Variants in BTBD1 observed in about 807,000 individuals in gnomAD.
BTBD1 encodes the protein BTB/POZ domain-containing protein 1.
BTBD1 carries 34 observed loss-of-function variants against 48.0 expected under a neutral mutation model. That is an observed-to-expected ratio of 0.71 (90% CI 0.54 to 0.94). BTBD1 has a LOEUF of 0.94. Among genes scored for constraint, BTBD1 ranks in the 40% least tolerant of loss-of-function variants. The probability of loss-of-function intolerance (pLI) is 0.00; values close to 1 mark genes in which losing one functional copy is unlikely to be tolerated. For synonymous variants in BTBD1, 261 were observed against 242.1 expected, an observed-to-expected ratio of 1.08 and a Z score of -0.72; for missense variants, 543 against 625.6, an observed-to-expected ratio of 0.87 and a Z score of 1.41.
At chr15:83,025,600 CAAT>C (rs1422759271) in intron 5 of BTBD1, among the ~76,000 whole-genome samples, 1 of 151,698 alleles carries the variant, frequency 6.6e-6, no homozygotes, top group Non-Finnish European at 1.5e-5. Flanking sequence ...GGATTATTCA[CAAT>C]ACTACAGTAA....
At chr15:83,057,976 T>C (rs2033116185) in intron 1 of BTBD1, among the ~76,000 whole-genome samples, 2 of 152,266 alleles carry the variant, frequency 1.3e-5, no homozygotes, top group Admixed American at 1.3e-4. Context: ...GGAAGAGAGC[T>C]TAACCCTGGG....
rs1425912303 is a variant in BTBD1, at chr15:83,067,245, G to C, written c.-94C>G. The C allele has an allele frequency of 1.6e-6, 2 of 1,244,586 alleles. No individual in the cohort carries two copies. Among genetic ancestry groups the C allele is most frequent in the East Asian group, 3.1e-5 (1 of 31,924 alleles). 77.1% of individuals were successfully genotyped at this position (1,244,586 alleles called of 1,614,324 possible). A position where few individuals can be genotyped will look rare whatever the true frequency, so the allele number is the denominator to read the frequency against. ...GCCGGCGCTGCCTCCCTGCCTTCCG[G>C]GAAAGGCGCTTCCGGGGGCCTCGCG... On this transcript the variant is annotated 5_prime_UTR_variant, in exon 1 of 8. Transcript: ENST00000261721.
At chr15:83,040,971 G>A (rs1017920458) in intron 4 of BTBD1, among the ~76,000 whole-genome samples, 1 of 151,558 alleles carries the variant, frequency 6.6e-6, no homozygotes, top group Non-Finnish European at 1.5e-5. Flanking sequence ...ACAGGATGGT[G>A]AAATCCTGTC....
chr15:83,060,646 T>C (rs897675863), intron 1 of BTBD1, among the ~76,000 whole-genome samples: 1 of 151,722 alleles, frequency 6.6e-6, no homozygotes, highest in Non-Finnish European at 1.5e-5. Flanking sequence ...ATACAAAAAT[T>C]AGCCAGGCGT....
rs769353885 is a variant in BTBD1 at position 83,067,017 on chromosome 15, G to A, written c.135C>T (p.Leu45=). Residue 45 remains leucine, a synonymous_variant, in exon 1 of 8, where the codon CTC becomes CTT. Transcript: ENST00000261721. ...ACGCCTTGGTCGCCTGCCAGTTGTA[G>A]AGAGGTTCCCGCTGCAGGGGGAGCA... The part of the protein sequence containing the change: ...GPLLPLQREP[L]YNWQATKASL... 1.0e-5 allele frequency: 16 copies of A among 1,584,416 alleles called. No individual in the cohort carries two copies. Among genetic ancestry groups the A allele is most frequent in the African/African-American group, 1.4e-5 (1 of 71,230 alleles).
intron 1 of BTBD1, among the ~76,000 whole-genome samples, chr15:83,057,817 A>G (rs2033113353): frequency 6.6e-6 from 1 of 152,206 alleles, no homozygotes; most frequent in African/African-American, 2.4e-5. Context: ...CAACTTCACT[A>G]TTCTAAGCAG....
chr15:83,046,187 G>A (rs1002075353), intron 3 of BTBD1, among the ~76,000 whole-genome samples: 1 of 152,062 alleles, frequency 6.6e-6, no homozygotes, highest in East Asian at 1.9e-4. Flanking sequence ...CTTGAGCACA[G>A]GAGTTCGAGA....
At position 83,057,615 on chromosome 15, in the gene BTBD1, G is replaced by A. The variant is rs146569792; in HGVS notation, c.402-1070C>T. Among the ~76,000 whole-genome samples the A allele has an allele frequency of 4.6e-5, 7 of 152,152 alleles. No individual in the cohort carries two copies. In the East Asian group the frequency reaches 9.7e-4, roughly 21 times the overall value. ...AAGAATGCTTGCTTCTTTCTTGATC[G>A]TTCCTTTTTTCTCCACAGCACCATG... is the stretch of plus-strand genomic sequence containing the variant. On this transcript the variant is annotated intron_variant, in intron 1 of 7. Coordinates refer to ENST00000261721, the MANE Select transcript of BTBD1 (RefSeq NM_025238.4).
intron 4 of BTBD1, among the ~76,000 whole-genome samples, chr15:83,039,895 C>A (rs1481287048): frequency 6.6e-6 from 1 of 151,744 alleles, no homozygotes; most frequent in East Asian, 1.9e-4. Flanking sequence ...AAATGTTCCA[C>A]CAAAAGACAC....
intron 6 of BTBD1, among the ~76,000 whole-genome samples, chr15:83,019,551 G>A (rs2032244177): frequency 6.7e-6 from 1 of 149,096 alleles, no homozygotes; most frequent in South Asian, 2.1e-4. Context: ...CTATAATCCT[G>A]ATGCCCTCCC....
At chr15:83,030,586 GAATCCTCCTTTCTCACCTTATACAAA>G (rs1256304434) in intron 4 of BTBD1, 7 of 356,504 alleles carry the variant, frequency 2.0e-5, no homozygotes, top group Non-Finnish European at 3.6e-5. Context: ...TGGATGCCAG[GAATCCTCCTTTCTCACCTTATACAAA>G]AATCAACTCA....
chr15:83,065,080 T>C (rs8031723), intron 1 of BTBD1, among the ~76,000 whole-genome samples: 29,268 of 152,130 alleles, frequency 0.19, 3,011 homozygotes, highest in Non-Finnish European at 0.22. Flanking sequence ...ATTTAGTGAC[T>C]GCATTATATC....
intron 5 of BTBD1, among the ~76,000 whole-genome samples, chr15:83,026,960 G>A (rs910154095): frequency 1.0e-4 from 15 of 149,892 alleles, no homozygotes; most frequent in African/African-American, 3.8e-4. Context: ...ACTGCTCCTA[G>A]GGGAAATACG....
rs906869292 is a variant in BTBD1, at chr15:83,041,913, G to A, written c.677C>T (p.Ala226Val). Residue 226 changes from alanine (A) to valine (V), a missense_variant, in exon 4 of 8, where the codon GCA becomes GTA. By Grantham distance (64) the Ala-to-Val change is moderately conservative. Around this residue, in one of 3 missense-constraint regions of BTBD1, gnomAD observed 300 missense variants for 350.0 expected, o/e 0.86. Transcript: ENST00000261721. ...FTDIDIDTLC[A>V]VLERDTLSIR... ...ACTGAGTGTGTCTCTCTCTAAAACT[G>A]CACAGAGTGTATCTATAGGCAAAAT... The A allele has an allele frequency of 2.5e-6, 4 of 1,613,938 alleles. No individual in the cohort carries two copies. The Admixed American group carries it at 5.0e-5, about 20-fold the overall frequency.
intron 2 of BTBD1, among the ~76,000 whole-genome samples, chr15:83,050,570 G>C (rs2032963363): frequency 6.6e-6 from 1 of 152,068 alleles, no homozygotes; most frequent in Non-Finnish European, 1.5e-5. Context: ...GAGAGGTACA[G>C]TGACTTGCCT....
chr15:83,050,144 A>C lies in BTBD1; in HGVS notation c.593T>G (p.Leu198Arg). 6.2e-7 allele frequency: 1 copy of C among 1,613,104 alleles called. No homozygotes were observed. Among genetic ancestry groups the C allele is most frequent in the Non-Finnish European group, 8.5e-7 (1 of 1,179,464 alleles). Residue 198 changes from leucine to arginine, a missense_variant, in exon 3 of 8, where the codon CTT (leucine) becomes CGT (arginine). Coordinates refer to ENST00000261721, the MANE Select transcript of BTBD1 (RefSeq NM_025238.4). Reference protein sequence around the residue: ...RLFDEPQLASLCLDTIDKSTM... With the variant: ...RLFDEPQLASRCLDTIDKSTM... ...GCTTTTGTCTATTGTATCTAGACAA[A>C]GACTAGCAAGCTGAGGTTCATCAAA...
chr15:83,021,028 T>C (rs2032283894), intron 5 of BTBD1, among the ~76,000 whole-genome samples: 2 of 152,066 alleles, frequency 1.3e-5, no homozygotes, highest in East Asian at 3.8e-4. Flanking sequence ...TTTAGTGCTA[T>C]ACGAGTCCAA....
rs1020313594 is a variant in BTBD1, at chr15:83,018,692, G to A, written c.1290+15C>T. 2 of 1,613,084 alleles carry A rather than the reference G, an allele frequency of 1.2e-6. No homozygotes were observed. Among genetic ancestry groups the A allele is most frequent in the Non-Finnish European group, 1.7e-6 (2 of 1,179,586 alleles). On this transcript the variant is annotated intron_variant, in intron 7 of 7. Coordinates refer to ENST00000261721, the MANE Select transcript of BTBD1 (RefSeq NM_025238.4). The stretch of plus-strand genomic sequence containing the variant: ...TCAAGAGGAAACCATCTGGAACATA[G>A]TGCATGACTCTTACTTTGAGTGTTG...
intron 3 of BTBD1, among the ~76,000 whole-genome samples, chr15:83,045,610 T>C (rs980700907): frequency 2.0e-5 from 3 of 152,218 alleles, no homozygotes; most frequent in African/African-American, 4.8e-5. Context: ...AAAGGTATCA[T>C]AGTCCCAAGA....
Sources: allele counts gnomAD v4.1 joint callset (sites outside exome capture counted in the v4.1 genomes callset), GRCh38; gene constraint gnomAD v4.1.1; regional missense constraint gnomAD v4.1.1; transcripts MANE v1.5; gene names NCBI Gene and HGNC (gene_info 2026-07-23, HGNC 2026-07-21).